PAPPA: variants seen among roughly 807,000 people sequenced by gnomAD.
PAPPA encodes the protein pappalysin-1.
A neutral mutation model predicts 164.0 loss-of-function variants in PAPPA; 60 were observed. The observed-to-expected ratio is 0.37, with a 90% confidence interval of 0.30 to 0.45. PAPPA has a LOEUF of 0.45. Ranked by LOEUF, PAPPA falls within the 20% of genes least tolerant of loss-of-function variation. The probability of loss-of-function intolerance (pLI) is 1.00; values close to 1 mark genes in which losing one functional copy is unlikely to be tolerated. For missense variants in PAPPA, 1,782 were observed against 2,087.3 expected, an observed-to-expected ratio of 0.85 and a Z score of 2.85; for synonymous variants, 875 against 814.1, an observed-to-expected ratio of 1.07 and a Z score of -1.27.
chr9:116,165,027 G>A (rs915537306), intron 1 of PAPPA, among the ~76,000 whole-genome samples: 4 of 152,134 alleles, frequency 2.6e-5, no homozygotes, highest in Non-Finnish European at 4.4e-5. Flanking sequence ...GGGTAAAGAC[G>A]AGTACCATTG....
In PAPPA at chr9:116,211,672, T is replaced by A; in HGVS notation, c.1658T>A (p.Met553Lys). 6.2e-7 allele frequency: 1 copy of A among 1,614,116 alleles called. No homozygotes were observed. Among genetic ancestry groups the A allele is most frequent in the Non-Finnish European group, 8.5e-7 (1 of 1,179,998 alleles). Residue 553 changes from methionine to lysine, a missense_variant, in exon 4 of 22, where the codon ATG becomes AAG. Met to Lys is a moderately conservative substitution (Grantham distance 95). Coordinates refer to ENST00000328252, the MANE Select transcript of PAPPA (RefSeq NM_002581.5). ...GTCTTGAACCCATCTTTCTATGGCA[T>A]GCCTGGGCACACCCACACCATGATC... Reference protein sequence around the residue: ...GIVLNPSFYGMPGHTHTMIHE... With the variant: ...GIVLNPSFYGKPGHTHTMIHE...
rs934667647 is a variant in PAPPA, at chr9:116,154,556, G to C, written c.384G>C (p.Glu128Asp). Residue 128 changes from glutamate to aspartate, a missense_variant, in exon 1 of 22, where the codon GAG becomes GAC. Physicochemically the swap from Glu to Asp is conservative, Grantham distance 45. This residue lies in a region of PAPPA where 458 missense variants were observed against 430.3 expected (regional missense o/e 1.06). Coordinates refer to ENST00000328252, the MANE Select transcript of PAPPA (RefSeq NM_002581.5). This position sits in a 1 kb window ranked among gnomAD's most constrained non-coding sequence, Gnocchi z 5.2. Reference protein sequence around the residue: ...AFTLQVWLRAEGGQRSPAVIT... With the variant: ...AFTLQVWLRADGGQRSPAVIT... ...CGCTGCAAGTGTGGCTGCGAGCGGA[G>C]GGGGGCCAGAGGTCTCCGGCAGTGA... 1 of 1,406,778 alleles carries C rather than the reference G, an allele frequency of 7.1e-7. No individual in the cohort carries two copies. Among genetic ancestry groups the C allele is most frequent in the South Asian group, 1.5e-5 (1 of 66,974 alleles). The allele number at this position is 1,406,778 out of a possible 1,614,324, so 87.1% of individuals were successfully genotyped here.
At chr9:116,209,132 TAGAC>T (rs1372125537) in intron 3 of PAPPA, among the ~76,000 whole-genome samples, 2 of 152,096 alleles carry the variant, frequency 1.3e-5, no homozygotes, top group Non-Finnish European at 1.5e-5. Flanking sequence ...GATTGGCAGA[TAGAC>T]AGACACAGAC....
At chr9:116,261,868 C>T (rs1281405891) in intron 7 of PAPPA, among the ~76,000 whole-genome samples, 3 of 148,538 alleles carry the variant, frequency 2.0e-5, no homozygotes, top group Non-Finnish European at 4.4e-5. Flanking sequence ...TAAAGAATGA[C>T]GGTTAAATGT....
chr9:116,236,885 C>T (rs1251279682), intron 7 of PAPPA, among the ~76,000 whole-genome samples: 2 of 152,172 alleles, frequency 1.3e-5, no homozygotes, highest in African/African-American at 2.4e-5. Context: ...ATTGGAATTT[C>T]GTTCTGACTC....
intron 7 of PAPPA, among the ~76,000 whole-genome samples, chr9:116,236,200 C>T (rs1315967430): frequency 6.6e-6 from 1 of 152,074 alleles, no homozygotes; most frequent in Non-Finnish European, 1.5e-5. Context: ...GTGGTTCAAA[C>T]CCATTTGATC....
At position 116,187,537 on chromosome 9, in the gene PAPPA, G is replaced by C; in HGVS notation, c.799G>C (p.Glu267Gln). 3.7e-6 allele frequency: 6 copies of C among 1,614,216 alleles called. No homozygotes were observed. Among genetic ancestry groups the C allele is most frequent in the Non-Finnish European group, 1.7e-6 (2 of 1,180,038 alleles). ...GTGGAAGGTGGCCAGGACTCAGCGG[G>C]AGATACTGTCTGACATGGAAACCCA... ...SLWKVARTQR[E>Q]ILSDMETHGA... The change falls in exon 2 of 22, where the codon GAG becomes CAG. Residue 267 changes from glutamate to glutamine, a missense_variant. Glu to Gln is a conservative substitution (Grantham distance 29). This residue lies in a region of PAPPA where 458 missense variants were observed against 430.3 expected (regional missense o/e 1.06). Coordinates refer to ENST00000328252, the MANE Select transcript of PAPPA (RefSeq NM_002581.5). The surrounding 1 kb of genome is among the most constrained non-coding windows in gnomAD (Gnocchi z 4.2).
chr9:116,378,200 T>G (rs1321995798), intron 20 of PAPPA, among the ~76,000 whole-genome samples: 2 of 152,150 alleles, frequency 1.3e-5, no homozygotes, highest in African/African-American at 4.8e-5. Context: ...TTTATAACCC[T>G]TAAATTCTAT....
intron 3 of PAPPA, among the ~76,000 whole-genome samples, chr9:116,211,221 C>T (rs1325835335): frequency 6.6e-6 from 1 of 152,124 alleles, no homozygotes; most frequent in Non-Finnish European, 1.5e-5. Context: ...ATCTCTGAGC[C>T]TGAGGGCTTT....
At chr9:116,275,542 T>A (rs1845186274) in intron 9 of PAPPA, among the ~76,000 whole-genome samples, 1 of 152,176 alleles carries the variant, frequency 6.6e-6, no homozygotes, top group South Asian at 2.1e-4. Flanking sequence ...ACCTGGCTTT[T>A]TCTACTCTGC....
At chr9:116,179,193 G>A (rs1163606173) in intron 1 of PAPPA, among the ~76,000 whole-genome samples, 3 of 152,182 alleles carry the variant, frequency 2.0e-5, no homozygotes, top group African/African-American at 7.2e-5. Flanking sequence ...GAATTAACTT[G>A]TCTGATGTCA....
At chr9:116,206,432 C>T (rs1191582735) in intron 2 of PAPPA, among the ~76,000 whole-genome samples, 1 of 152,096 alleles carries the variant, frequency 6.6e-6, no homozygotes, top group African/African-American at 2.4e-5. Flanking sequence ...GCAGCTGTTA[C>T]TAATTTCAAT....
chr9:116,227,948 C>A (rs1844535678), intron 6 of PAPPA, among the ~76,000 whole-genome samples: 1 of 152,144 alleles, frequency 6.6e-6, no homozygotes, highest in South Asian at 2.1e-4. Context: ...GTCTTTGATT[C>A]TTCTTCTGTT....
intron 7 of PAPPA, among the ~76,000 whole-genome samples, chr9:116,250,859 G>A (rs1844852434): frequency 6.6e-6 from 1 of 152,204 alleles, no homozygotes. Context: ...GTAACAGAGT[G>A]TTGGACATTG....
At chr9:116,231,713 GGATGGA>G (rs1844596444) in intron 6 of PAPPA, among the ~76,000 whole-genome samples, 1 of 93,668 alleles carries the variant, frequency 1.1e-5, no homozygotes, top group Non-Finnish European at 2.2e-5. Context: ...ATGGATGGAT[GGATGGA>G]TAGTGTCTGT....
At chr9:116,186,679 G>A (rs547430786) in intron 1 of PAPPA, among the ~76,000 whole-genome samples, 18 of 152,122 alleles carry the variant, frequency 1.2e-4, no homozygotes, top group South Asian at 6.2e-4. Context: ...TCTTCTGTTC[G>A]TTATCATCTC....
Position 116,154,518 on chromosome 9 carries a change from C to G in PAPPA, c.346C>G (p.Arg116Gly). 1 of 1,400,030 alleles carries G rather than the reference C, an allele frequency of 7.1e-7. No homozygotes were observed. The highest frequency in any genetic ancestry group is 9.3e-7 in the Non-Finnish European group (1 of 1,075,400). The allele number at this position is 1,400,030 out of a possible 1,614,324, so 86.7% of individuals were successfully genotyped here. Reference protein sequence around the residue: ...LRLRADLELPRDAFTLQVWLR... With the variant: ...LRLRADLELPGDAFTLQVWLR... ...CCTCCGGGCCGACCTCGAGCTGCCCCGGGACGCGTTCACGCTGCAAGTGTG... is the reference window on the plus strand; with the variant it reads ...CCTCCGGGCCGACCTCGAGCTGCCCGGGGACGCGTTCACGCTGCAAGTGTG... The change falls in exon 1 of 22, where the codon CGG becomes GGG. Residue 116 changes from arginine to glycine, a missense_variant. Arg to Gly is a moderately radical substitution (Grantham distance 125, BLOSUM62 -2). Around this residue, in one of 2 missense-constraint regions of PAPPA, gnomAD observed 458 missense variants for 430.3 expected, o/e 1.06. Transcript: ENST00000328252. The surrounding 1 kb of genome is among the most constrained non-coding windows in gnomAD (Gnocchi z 5.2).
At chr9:116,185,918 A>G (rs1179919008) in intron 1 of PAPPA, among the ~76,000 whole-genome samples, 2 of 152,094 alleles carry the variant, frequency 1.3e-5, no homozygotes, top group South Asian at 4.1e-4. Context: ...GGGAGCTGCT[A>G]TAGAATTAGG....
At chr9:116,259,238 T>C (rs148562615) in intron 7 of PAPPA, among the ~76,000 whole-genome samples, 1 of 151,820 alleles carries the variant, frequency 6.6e-6, no homozygotes, top group African/African-American at 2.4e-5. Context: ...TGAAAGGAAA[T>C]AAAAGAGACT....
Sources: gnomAD v4.1 joint callset for allele counts (sites outside exome capture counted in the v4.1 genomes callset) on GRCh38, gnomAD v4.1.1 for gene constraint, gnomAD v4.1.1 regional missense constraint, Gnocchi (gnomAD v3.1) non-coding constraint, MANE v1.5 for transcripts, NCBI Gene and HGNC (gene_info 2026-07-23, HGNC 2026-07-21) for gene names.